The following RYR2 variants were observed in gnomAD, a reference collection of about 807,000 sequenced individuals.
The protein encoded by RYR2 is ryanodine receptor 2, also known as cardiac muscle ryanodine receptor-calcium release channel.
Under a neutral mutation model 601.1 loss-of-function variants are expected in RYR2, and 227 were observed. That is an observed-to-expected ratio of 0.38 (90% CI 0.34 to 0.42). The LOEUF is 0.42. RYR2 is among the 10% of genes least tolerant of loss of function. The pLI is 1.00. For synonymous variants in RYR2, 2,223 were observed against 2,175.1 expected (o/e 1.02, Z -0.61); for missense variants, 4,646 against 6,156.5 (o/e 0.75, Z 8.21).
At chr1:237,350,730 T>C (rs1698767888) in intron 3 of RYR2, among the ~76,000 whole-genome samples, 2 of 141,922 alleles carry the variant, frequency 1.4e-5, no homozygotes, top group African/African-American at 2.6e-5. Context: ...ATAAGAAAAA[T>C]AAAATAATTC....
chr1:237,256,495 G>A (rs1050966473), intron 1 of RYR2, among the ~76,000 whole-genome samples: 2 of 152,124 alleles, frequency 1.3e-5, no homozygotes, highest in African/African-American at 4.8e-5. Context: ...TCACCTTCTT[G>A]CCTGCATCTG....
intron 17 of RYR2, among the ~76,000 whole-genome samples, chr1:237,481,809 CAAAAA>C (rs553197529): frequency 6.4e-5 from 3 of 46,876 alleles, no homozygotes; most frequent in Non-Finnish European, 8.4e-5. Flanking sequence ...TGCTGTGTAG[CAAAAA>C]AAAAAAAAAA....
intron 33 of RYR2, among the ~76,000 whole-genome samples, chr1:237,594,898 T>TTGTTTTTG (rs1559084083): frequency 9.7e-5 from 2 of 20,670 alleles, no homozygotes; most frequent in Non-Finnish European, 2.7e-4. Context: ...TTTTTTTTTT[T>TTGTTTTTG]TTTTTTTTTT....
intron 91 of RYR2, among the ~76,000 whole-genome samples, chr1:237,787,007 G>GTT (rs1657672684): frequency 6.6e-6 from 1 of 152,016 alleles, no homozygotes; most frequent in African/African-American, 2.4e-5. Flanking sequence ...TTAAGATTAA[G>GTT]TATAGCTTAT....
At chr1:237,497,347 T>C (rs1664180420) in intron 20 of RYR2, among the ~76,000 whole-genome samples, 1 of 152,214 alleles carries the variant, frequency 6.6e-6, no homozygotes, top group Non-Finnish European at 1.5e-5. Context: ...CTCTTAGCTT[T>C]GATGGTTGAG....
intron 80 of RYR2, among the ~76,000 whole-genome samples, chr1:237,753,459 C>A (rs1194798089): frequency 6.6e-6 from 1 of 152,144 alleles, no homozygotes. Context: ...AAAAGCAAAT[C>A]ATGATGTAAA....
At chr1:237,649,266 A>G (rs1198457882) in intron 49 of RYR2, among the ~76,000 whole-genome samples, 1 of 152,318 alleles carries the variant, frequency 6.6e-6, no homozygotes, top group East Asian at 1.9e-4. Context: ...TTTGATTTCA[A>G]AGCACATTAG....
At chr1:237,139,561 A>G (rs1673158203) in intron 1 of RYR2, among the ~76,000 whole-genome samples, 1 of 152,186 alleles carries the variant, frequency 6.6e-6, no homozygotes, top group South Asian at 2.1e-4. Context: ...GTCTTACATG[A>G]TATTAAGTAG....
At chr1:237,822,218 A>C (rs1246889569) in intron 101 of RYR2, among the ~76,000 whole-genome samples, 1 of 152,150 alleles carries the variant, frequency 6.6e-6, no homozygotes, top group Admixed American at 6.5e-5. Flanking sequence ...CAAGACACAT[A>C]ATCGTCAGAT....
At chr1:237,744,719 T>TTAA (rs554634163) in intron 80 of RYR2, among the ~76,000 whole-genome samples, 34 of 146,270 alleles carry the variant, frequency 2.3e-4, no homozygotes, top group South Asian at 2.2e-4. Context: ...CTTCTTTTTT[T>TTAA]AAAAAAAAAA....
intron 2 of RYR2, among the ~76,000 whole-genome samples, chr1:237,289,262 T>G (rs1049653748): frequency 6.6e-6 from 1 of 152,116 alleles, no homozygotes; most frequent in South Asian, 2.1e-4. Flanking sequence ...AAATTAACAA[T>G]GCGAGCCCCC....
chr1:237,280,013 T>A (rs991000593), intron 2 of RYR2, among the ~76,000 whole-genome samples: 4 of 152,216 alleles, frequency 2.6e-5, no homozygotes. Flanking sequence ...TATCAAGAGC[T>A]CTTTCTGTTT....
At chr1:237,820,183 A>C in intron 101 of RYR2, among the ~76,000 whole-genome samples, 1 of 121,314 alleles carries the variant, frequency 8.2e-6, no homozygotes, top group African/African-American at 3.3e-5. Context: ...GCAAAACTCC[A>C]TCTCAAAAAA....
chr1:237,287,816 C>T (rs947705622), intron 2 of RYR2, among the ~76,000 whole-genome samples: 2 of 152,086 alleles, frequency 1.3e-5, no homozygotes, highest in Non-Finnish European at 2.9e-5. Context: ...TCAGGTAAAT[C>T]AGGGATTTCT....
chr1:237,795,450 A>ATTTT, intron 96 of RYR2, 119 bp downstream of exon 96: 4 of 414,974 alleles, frequency 9.6e-6, no homozygotes, highest in Non-Finnish European at 8.6e-6. Flanking sequence ...TAATGTCTCC[A>ATTTT]TTTTTTTTTT....
chr1:237,568,788 C>T (rs1672357252), intron 28 of RYR2, among the ~76,000 whole-genome samples: 1 of 152,068 alleles, frequency 6.6e-6, no homozygotes, highest in South Asian at 2.1e-4. Context: ...AAACCGTATT[C>T]TGGGAAACAT....
intron 10 of RYR2, among the ~76,000 whole-genome samples, chr1:237,406,226 T>A (rs1380461405): frequency 2.7e-4 from 28 of 103,802 alleles, no homozygotes; most frequent in Non-Finnish European, 3.4e-4. Flanking sequence ...TCCCCTCCCC[T>A]CCCCTCTCCC....
intron 21 of RYR2, among the ~76,000 whole-genome samples, chr1:237,501,961 T>G (rs1664685836): frequency 6.6e-6 from 1 of 152,156 alleles, no homozygotes; most frequent in African/African-American, 2.4e-5. Context: ...GTCAACACAG[T>G]GAGACCCTAT....
At chr1:237,143,796 C>T (rs942422866) in intron 1 of RYR2, among the ~76,000 whole-genome samples, 5 of 152,096 alleles carry the variant, frequency 3.3e-5, no homozygotes, top group African/African-American at 1.2e-4. Flanking sequence ...GGAAAAAGAA[C>T]AAAAACCAAA....
Sources: allele counts gnomAD v4.1 joint callset (sites outside exome capture counted in the v4.1 genomes callset), GRCh38; gene constraint gnomAD v4.1.1; transcripts MANE v1.5; gene names NCBI Gene and HGNC (gene_info 2026-07-23, HGNC 2026-07-21).